Variants in CCND3 observed in about 807,000 individuals in gnomAD.
The protein encoded by CCND3 is G1/S-specific cyclin-D3.
In CCND3, 9 loss-of-function variants were observed where a neutral mutation model predicts 28.7. The ratio of observed to expected loss-of-function variants is 0.31; its 90% CI spans 0.19 to 0.55. The LOEUF (loss-of-function observed/expected upper bound fraction) is 0.55. Ranked by LOEUF, CCND3 falls within the 20% of genes least tolerant of loss-of-function variation. CCND3 has a pLI of 0.93. For synonymous variants in CCND3, 164 were observed against 163.9 expected (o/e 1.00, Z 0.00); for missense variants, 315 against 385.8 (o/e 0.82, Z 1.54).
intron 1 of CCND3, among the ~76,000 whole-genome samples, chr6:41,965,616 C>T (rs1259051724): frequency 1.3e-5 from 2 of 151,976 alleles, no homozygotes; most frequent in African/African-American, 4.8e-5. Flanking sequence ...GGTGGAGAAA[C>T]GGAAGGAAAC....
At chr6:42,047,252 A>G (rs1047677679) in intron 1 of CCND3, among the ~76,000 whole-genome samples, 3 of 152,236 alleles carry the variant, frequency 2.0e-5, no homozygotes, top group African/African-American at 7.2e-5. Flanking sequence ...TTCCAGGGGA[A>G]GAAACTCTGA....
chr6:42,014,738 T>A (rs1275680024), intron 1 of CCND3, among the ~76,000 whole-genome samples: 1 of 151,580 alleles, frequency 6.6e-6, no homozygotes, highest in Admixed American at 6.6e-5. Context: ...CATTGAGCTA[T>A]GATCAAGCCA....
chr6:42,005,905 A>T (rs947005300), intron 1 of CCND3, among the ~76,000 whole-genome samples: 1 of 151,432 alleles, frequency 6.6e-6, no homozygotes, highest in Non-Finnish European at 1.5e-5. Context: ...GGCTAGTCGA[A>T]CTCCTGACCT....
At chr6:42,006,135 A>G (rs1244114304) in intron 1 of CCND3, among the ~76,000 whole-genome samples, 1 of 151,990 alleles carries the variant, frequency 6.6e-6, no homozygotes, top group Non-Finnish European at 1.5e-5. Context: ...CCGTGGCACT[A>G]CAGCCTGAGT....
At chr6:41,953,062 G>A (rs1042043510) in intron 1 of CCND3, among the ~76,000 whole-genome samples, 4 of 151,440 alleles carry the variant, frequency 2.6e-5, no homozygotes, top group African/African-American at 9.8e-5. Context: ...ACCTGAGGTC[G>A]GGAGTTTAAG....
chr6:42,008,343 A>C (rs569523749), intron 1 of CCND3, among the ~76,000 whole-genome samples: 1 of 152,288 alleles, frequency 6.6e-6, no homozygotes, highest in Non-Finnish European at 1.5e-5. Flanking sequence ...ATGCCGCTGC[A>C]TTCCAGCCTG....
chr6:42,043,173 T>G (rs1764424271), intron 1 of CCND3, among the ~76,000 whole-genome samples: 1 of 152,116 alleles, frequency 6.6e-6, no homozygotes, highest in South Asian at 2.1e-4. Context: ...GCAGGAGGAC[T>G]GCTTGGGTCC....
At chr6:41,988,710 T>TTTG (rs1762559173) in intron 1 of CCND3, among the ~76,000 whole-genome samples, 1 of 149,508 alleles carries the variant, frequency 6.7e-6, no homozygotes, top group African/African-American at 2.5e-5. Flanking sequence ...TTTTTTTTTT[T>TTTG]TTTTTTGAGA....
chr6:42,036,403 A>ATATATATATATATATTTTTTT (rs57619585), intron 1 of CCND3, among the ~76,000 whole-genome samples: 1 of 31,312 alleles, frequency 3.2e-5, no homozygotes, highest in African/African-American at 1.4e-4. Flanking sequence ...ATATATATAT[A>ATATATATATATATATTTTTTT]TTTTTTTTTT....
At position 41,938,721 on chromosome 6, in the gene CCND3, C is replaced by T. The variant is rs116403918; in HGVS notation, c.415-1327G>A. ...AGTGCTTAGCTTCAGTAGGTGGCAG[C>T]GGCCATCACATTCCTGACTTTTAAG... On this transcript the variant is annotated intron_variant, in intron 2 of 4. Transcript: ENST00000372991. This position sits in a 1 kb window ranked among gnomAD's most constrained non-coding sequence, Gnocchi z 4.6. Among the ~76,000 whole-genome samples the T allele has an allele frequency of 6.9e-3, 1,048 of 152,278 alleles. 12 individuals carry two copies. Among genetic ancestry groups the T allele is most frequent in the African/African-American group, 0.022 (921 of 41,542 alleles).
chr6:42,013,052 G>A (rs564295998), intron 1 of CCND3, among the ~76,000 whole-genome samples: 19 of 152,198 alleles, frequency 1.2e-4, no homozygotes, highest in African/African-American at 4.3e-4. Context: ...GCTGATCCTG[G>A]TCCTATTGCC....
intron 1 of CCND3, among the ~76,000 whole-genome samples, chr6:41,971,603 A>G (rs1310630552): frequency 6.6e-6 from 1 of 151,288 alleles, no homozygotes; most frequent in Non-Finnish European, 1.5e-5. Flanking sequence ...GTTCAGTGGC[A>G]TGATCTTGGC....
intron 2 of CCND3, chr6:41,937,670 G>C (rs1046985378): frequency 6.4e-6 from 3 of 468,514 alleles, no homozygotes; most frequent in Non-Finnish European, 1.2e-5. Flanking sequence ...ATGTTTAAGG[G>C]GCCAATAATC....
At chr6:42,039,601 A>T (rs1445091632) in intron 1 of CCND3, among the ~76,000 whole-genome samples, 1 of 152,250 alleles carries the variant, frequency 6.6e-6, no homozygotes, top group Non-Finnish European at 1.5e-5. Context: ...GTCTCATACA[A>T]GAGCGAGGAA....
chr6:41,962,707 C>T (rs1761752711), intron 1 of CCND3, among the ~76,000 whole-genome samples: 1 of 152,184 alleles, frequency 6.6e-6, no homozygotes, highest in Admixed American at 6.5e-5. Context: ...TGTGATCATG[C>T]TACTGCCCGC....
chr6:42,033,307 G>C (rs188378262), intron 1 of CCND3, among the ~76,000 whole-genome samples: 2 of 151,568 alleles, frequency 1.3e-5, no homozygotes, highest in African/African-American at 2.4e-5. Context: ...AAAGTTAGCC[G>C]AGTGTGATGG....
chr6:41,992,138 G>A (rs1294053121), intron 1 of CCND3, among the ~76,000 whole-genome samples: 1 of 152,036 alleles, frequency 6.6e-6, no homozygotes, highest in Non-Finnish European at 1.5e-5. Flanking sequence ...TCATATGGTA[G>A]TTTGATTTGT....
In CCND3 at chr6:42,012,195, A is replaced by G. The variant is rs370229526; in HGVS notation, c.-46+36306T>C. ...GACTTTGTTTTCATTTCTGTAAAGCATAACATTGGAGACCAGGCTGGCCAA... is the reference window on the plus strand; with the variant it reads ...GACTTTGTTTTCATTTCTGTAAAGCGTAACATTGGAGACCAGGCTGGCCAA... On this transcript the variant is annotated intron_variant, in intron 1 of 4. Coordinates refer to the CCND3 transcript ENST00000372988. Among the ~76,000 whole-genome samples the G allele has an allele frequency of 1.2e-4, 18 of 152,290 alleles. No individual in the cohort carries two copies. The East Asian group carries it at 3.1e-3, about 26-fold the overall frequency.
At chr6:41,962,281 G>A (rs1264583264) in intron 1 of CCND3, among the ~76,000 whole-genome samples, 1 of 151,974 alleles carries the variant, frequency 6.6e-6, no homozygotes, top group African/African-American at 2.4e-5. Context: ...TATATTTTTA[G>A]TAGAGACAGG....
Sources: gnomAD v4.1 joint callset for allele counts (sites outside exome capture counted in the v4.1 genomes callset) on GRCh38, gnomAD v4.1.1 for gene constraint, Gnocchi (gnomAD v3.1) non-coding constraint, MANE v1.5 for transcripts, NCBI Gene and HGNC (gene_info 2026-07-23, HGNC 2026-07-21) for gene names.